Variants in NANOS3 observed in about 807,000 individuals in gnomAD.
NANOS3 encodes nanos homolog 3.
In NANOS3, 11 loss-of-function variants were observed where a neutral mutation model predicts 13.8. The ratio of observed to expected loss-of-function variants is 0.80; its 90% confidence interval spans 0.50 to 1.32. The LOEUF (loss-of-function observed/expected upper bound fraction) is 1.32. Among genes scored for constraint, NANOS3 ranks in the 40% most tolerant of loss-of-function variants. The pLI, the probability that NANOS3 is intolerant of heterozygous loss-of-function variation, is 0.00. For missense variants in NANOS3, 221 were observed against 263.8 expected (o/e 0.84, Z 1.12); for synonymous variants, 119 against 115.4 (o/e 1.03, Z -0.20).
chr19:13,869,414 G>T (rs1976290530), intron 1 of NANOS3, among the ~76,000 whole-genome samples: 2 of 152,078 alleles, frequency 1.3e-5, no homozygotes, highest in African/African-American at 4.8e-5. Context: ...CATCTGGCAG[G>T]CCTGGGAAGG....
At chr19:13,865,372 C>G (rs1976218496), upstream of NANOS3, 4 of 147,424 alleles carry the variant, frequency 2.7e-5, no homozygotes, top group South Asian at 8.3e-4. Context: ...CGCCTCGGGC[C>G]CGGGGGGCTT....
upstream of NANOS3, chr19:13,875,069 A>G (rs1968483476): frequency 4.8e-6 from 2 of 415,328 alleles, no homozygotes; most frequent in Non-Finnish European, 1.0e-5. Context: ...CCTGACCCCA[A>G]CCACTCCTCT....
chr19:13,878,444 G>C (rs1968563050), intron 1 of NANOS3, among the ~76,000 whole-genome samples: 1 of 151,968 alleles, frequency 6.6e-6, no homozygotes, highest in African/African-American at 2.4e-5. Context: ...TCACCATGTT[G>C]GCCAGGCTGG....
At chr19:13,862,483 A>G (rs1045937340), upstream of NANOS3, among the ~76,000 whole-genome samples, 3 of 151,806 alleles carry the variant, frequency 2.0e-5, no homozygotes, top group Non-Finnish European at 4.4e-5. Context: ...GGTCCTGGAG[A>G]AGAGACGGGG....
chr19:13,873,064 G>A (rs981490236), upstream of NANOS3, among the ~76,000 whole-genome samples: 7 of 152,048 alleles, frequency 4.6e-5, no homozygotes, highest in Admixed American at 4.6e-4. Context: ...TATAGAGCAG[G>A]CTTTTGTGGA....
chr19:13,876,140 T>TTTG (rs1027229839), upstream of NANOS3, among the ~76,000 whole-genome samples: 1 of 151,940 alleles, frequency 6.6e-6, no homozygotes, highest in South Asian at 2.1e-4. Context: ...TGTGGTGCTT[T>TTTG]TTGTTGTTGT....
chr19:13,875,056 T>G (rs1383207588), upstream of NANOS3: 1 of 428,202 alleles, frequency 2.3e-6, no homozygotes, highest in African/African-American at 2.0e-5. Flanking sequence ...GCCTGTTTTT[T>G]GCCCTGACCC....
upstream of NANOS3, among the ~76,000 whole-genome samples, chr19:13,873,810 CA>C (rs1968446504): frequency 6.6e-6 from 1 of 151,606 alleles, no homozygotes; most frequent in Non-Finnish European, 1.5e-5. Context: ...AGACCCAGGT[CA>C]GGGGCGAAGG....
At chr19:13,875,951 G>A (rs780688382), upstream of NANOS3, among the ~76,000 whole-genome samples, 2 of 152,106 alleles carry the variant, frequency 1.3e-5, no homozygotes, top group African/African-American at 2.4e-5. Context: ...ATCTCATCTC[G>A]GGGAGGACAC....
chr19:13,867,327 C>G lies in NANOS3; in HGVS notation n.21+1890C>G, dbSNP rs1026007756. Among the ~76,000 whole-genome samples, 9 of 152,068 alleles carry G rather than the reference C, an allele frequency of 5.9e-5. No individual in the cohort carries two copies. In the South Asian group the frequency reaches 8.3e-4, roughly 14 times the overall value. On this transcript the variant is annotated intron_variant and non_coding_transcript_variant, in intron 1 of 2. Coordinates refer to the NANOS3 transcript ENST00000591161. ...TGGCACGATCTAGGCTCACTGCAAT[C>G]TAGGCTCACTGCAATCTAGGCCCAT...
chr19:13,872,575 C>A (rs1976344569), upstream of NANOS3, among the ~76,000 whole-genome samples: 1 of 152,188 alleles, frequency 6.6e-6, no homozygotes, highest in Admixed American at 6.6e-5. Flanking sequence ...GTAGCGTTAT[C>A]ATCAGTAATG....
intron 1 of NANOS3, chr19:13,865,567 G>A (rs1018194556): frequency 6.8e-6 from 1 of 146,756 alleles, no homozygotes; most frequent in Non-Finnish European, 1.5e-5. Flanking sequence ...CCCGGGGCGG[G>A]CGCCCCGGCC....
chr19:13,870,869 C>T lies in NANOS3; in HGVS notation n.21+5432C>T, dbSNP rs376903079. The stretch of plus-strand genomic sequence containing the variant: ...TGCTGGGATTACAGGAATGAGCCAC[C>T]GTGCCCGGCTCATAACGTGGCTTTT... On this transcript the variant is annotated intron_variant and non_coding_transcript_variant, in intron 1 of 2. Coordinates refer to the NANOS3 transcript ENST00000591161. 3.2e-3 allele frequency among the ~76,000 whole-genome samples: 490 copies of T among 151,978 alleles called. 5 individuals carry two copies. The highest frequency in any genetic ancestry group is 0.011 in the African/African-American group (468 of 41,450).
At chr19:13,874,182 CCCA>C (rs1488274649), upstream of NANOS3, among the ~76,000 whole-genome samples, 2 of 152,182 alleles carry the variant, frequency 1.3e-5, no homozygotes, top group Non-Finnish European at 2.9e-5. Context: ...CTGACGACCC[CCCA>C]CCCCCAAGCG....
At chr19:13,867,882 C>G (rs1976266278) in intron 1 of NANOS3, among the ~76,000 whole-genome samples, 1 of 152,080 alleles carries the variant, frequency 6.6e-6, no homozygotes, top group Non-Finnish European at 1.5e-5. Flanking sequence ...TACCCTGAGA[C>G]TTGTTTAGGC....
chr19:13,874,396 C>T (rs560397544), upstream of NANOS3, among the ~76,000 whole-genome samples: 1 of 152,358 alleles, frequency 6.6e-6, no homozygotes, highest in South Asian at 2.1e-4. Context: ...CCTTTGGCCT[C>T]AGTCTCCCCA....
At chr19:13,880,416 C>G (rs372870251) in intron 1 of NANOS3, 26 bp from the exon 2 acceptor site, 2 of 1,610,420 alleles carry the variant, frequency 1.2e-6, no homozygotes, top group Non-Finnish European at 1.7e-6. Flanking sequence ...TGTGATTAAG[C>G]ATTTCTCTCC....
At chr19:13,880,326 C>A in intron 1 of NANOS3, 116 bp from the exon 2 acceptor site, 1 of 903,600 alleles carries the variant, frequency 1.1e-6, no homozygotes, top group Non-Finnish European at 1.8e-6. Flanking sequence ...GTCTCCGGAG[C>A]AGCCCCTGGG....
rs1024510993 is a variant in NANOS3, at chr19:13,877,196, G to A, written c.-53G>A. 1.4e-5 allele frequency: 21 copies of A among 1,493,350 alleles called. No homozygotes were observed. The highest frequency in any genetic ancestry group is 7.2e-5 in the Admixed American group (4 of 55,828). The allele number at this position is 1,493,350 out of a possible 1,614,324, so 92.5% of individuals were successfully genotyped here. The stretch of plus-strand genomic sequence containing the variant: ...GGTCAGAAGGAGGGAGCTTAAGCCA[G>A]GCAGGGTTACTTGTCTCTGTGACTC... On this transcript the variant is annotated 5_prime_UTR_variant, in exon 1 of 2. Transcript: ENST00000339133.
Sources: gnomAD v4.1 joint callset for allele counts (sites outside exome capture counted in the v4.1 genomes callset) on GRCh38, gnomAD v4.1.1 for gene constraint, MANE v1.5 for transcripts, NCBI Gene and HGNC (gene_info 2026-07-23, HGNC 2026-07-21) for gene names.